Variants in STAB1 observed in about 807,000 individuals in gnomAD.
STAB1 encodes stabilin-1.
STAB1 carries 250 observed loss-of-function variants against 332.4 expected under a neutral mutation model. The ratio of observed to expected loss-of-function variants is 0.75; its 90% confidence interval spans 0.68 to 0.84. STAB1 has a LOEUF of 0.84. Among genes scored for constraint, STAB1 ranks in the 40% least tolerant of loss-of-function variants. The probability of loss-of-function intolerance (pLI) is 0.00; values close to 1 mark genes in which losing one functional copy is unlikely to be tolerated. For synonymous variants in STAB1, 1,475 were observed against 1,390.4 expected (o/e 1.06, Z -1.35); for missense variants, 3,249 against 3,489.7 (o/e 0.93, Z 1.74).
rs1198787147 is a variant in STAB1 at position 52,523,280 on chromosome 3, A to G, written c.7079A>G (p.Asp2360Gly). 2.5e-6 allele frequency: 4 copies of G among 1,612,986 alleles called. No individual in the cohort carries two copies. The African/African-American group carries it at 4.0e-5, about 16-fold the overall frequency. Residue 2360 changes from aspartate to glycine, a missense_variant, in exon 64 of 69, where the codon GAT (aspartate) becomes GGT (glycine). Transcript: ENST00000321725. ...QRGLDFLDFL[D>G]DELTYKTLFV... is the part of the protein sequence containing the mutation. The stretch of plus-strand genomic sequence containing the variant: ...GGTCTCGACTTCCTGGACTTCCTGG[A>G]TGATGAGCTCACGTATAAGACACTC...
chr3:52,513,292 G>C, intron 30 of STAB1, 51 bp downstream of exon 30: 1 of 1,502,462 alleles, frequency 6.7e-7, no homozygotes, highest in South Asian at 1.3e-5. Flanking sequence ...GCATGGGAGG[G>C]AGCCTGAGTG....
In STAB1 at chr3:52,502,708, T is replaced by G. The variant is rs1708542689; in HGVS notation, c.564T>G (p.Thr188=). ...DGSCLCFAGY[T]GPHCDQELPV... ...GCTGCCTGTGCTTTGCTGGATACAC[T>G]GGCCCCCACTGTGATCAAGGTGAGC... Residue 188 remains threonine, a synonymous_variant, in exon 6 of 69, where the codon ACT becomes ACG. Coordinates refer to ENST00000321725, the MANE Select transcript of STAB1 (RefSeq NM_015136.3). 1.2e-6 allele frequency: 2 copies of G among 1,613,500 alleles called. No homozygotes were observed. Among genetic ancestry groups the G allele is most frequent in the Non-Finnish European group, 1.7e-6 (2 of 1,179,748 alleles).
At chr3:52,519,611 TAAG>T (rs1575360061) in intron 50 of STAB1, 47 bp downstream of exon 50, 1 of 373,466 alleles carries the variant, frequency 2.7e-6, no homozygotes, top group South Asian at 2.3e-5. Flanking sequence ...CATGCACGTG[TAAG>T]TGTGTGCAAG....
intron 1 of STAB1, among the ~76,000 whole-genome samples, chr3:52,496,482 G>A (rs939014559): frequency 6.6e-6 from 1 of 152,232 alleles, no homozygotes; most frequent in Non-Finnish European, 1.5e-5. Context: ...ACCATCAGGC[G>A]CTTTCTCTTG....
In STAB1 at chr3:52,517,029, C is replaced by G; in HGVS notation, c.4409C>G (p.Ala1470Gly). The change falls in exon 42 of 69, where the codon GCC becomes GGC. Residue 1470 changes from alanine to glycine, a missense_variant. Physicochemically the swap from Ala to Gly is moderately conservative, Grantham distance 60. Transcript: ENST00000321725. ...AHGHGGCSPH[A>G]NCTKVAPGQR... ...GGCCATGGGGGCTGCTCCCCTCATGCCAACTGTACCAAGGTGGCACCTGGG... is the reference window on the plus strand; with the variant it reads ...GGCCATGGGGGCTGCTCCCCTCATGGCAACTGTACCAAGGTGGCACCTGGG... The G allele has an allele frequency of 6.2e-7, 1 of 1,607,416 alleles. No individual in the cohort carries two copies. The highest frequency in any genetic ancestry group is 8.5e-7 in the Non-Finnish European group (1 of 1,177,354).
Position 52,522,649 on chromosome 3 carries a change from C to T in STAB1, c.6705C>T (p.Ala2235=), listed in dbSNP as rs1436150109. Residue 2235 remains alanine (A), a synonymous_variant, in exon 61 of 69, where the codon GCC becomes GCT. Coordinates refer to ENST00000321725, the MANE Select transcript of STAB1 (RefSeq NM_015136.3). ...AGGCGGCATGCGAAGCACAGGGAGC[C>T]GTCCTTGCTTCATTCCCTCAGCTCT... is the stretch of plus-strand genomic sequence containing the variant. ...EAEAACEAQG[A]VLASFPQLSA... 5.6e-6 allele frequency: 9 copies of T among 1,612,786 alleles called. No homozygotes were observed. The highest frequency in any genetic ancestry group is 1.7e-5 in the Admixed American group (1 of 60,006).
In STAB1 at chr3:52,520,445, C is replaced by T; in HGVS notation, c.5545C>T (p.His1849Tyr). The T allele has an allele frequency of 6.8e-6, 11 of 1,612,826 alleles. No homozygotes were observed. The highest frequency in any genetic ancestry group is 2.7e-5 in the African/African-American group (2 of 75,072). ...GEDDARIVQRHLPFEGGLAYG... is the reference protein window; with the variant it reads ...GEDDARIVQRYLPFEGGLAYG... ...GGATGATGCTCGCATTGTGCAGCGG[C>T]ACTTGCCCTTTGAGGGTGGCCTGGC... The change falls in exon 53 of 69, where the codon CAC (histidine) becomes TAC (tyrosine). Residue 1849 changes from histidine to tyrosine, a missense_variant. Physicochemically the swap from His to Tyr is moderately conservative, Grantham distance 83. Transcript: ENST00000321725.
rs1474667783 is a variant in STAB1, at chr3:52,503,036, C to T, written c.621C>T (p.Asn207=). The T allele has an allele frequency of 1.9e-6, 3 of 1,602,420 alleles. No individual in the cohort carries two copies. Among genetic ancestry groups the T allele is most frequent in the Non-Finnish European group, 2.6e-6 (3 of 1,175,642 alleles). The change falls in exon 7 of 69, where the codon AAC becomes AAT. Residue 207 remains asparagine (N), a synonymous_variant. Coordinates refer to ENST00000321725, the MANE Select transcript of STAB1 (RefSeq NM_015136.3). The part of the protein sequence containing the change: ...PVCQELRCPQ[N]TQCSAEAPSC... The stretch of plus-strand genomic sequence containing the variant: ...GCCAGGAGCTGCGCTGTCCCCAGAA[C>T]ACCCAGTGCTCCGCAGAGGCTCCCA...
chr3:52,514,047 C>T, intron 32 of STAB1, 66 bp downstream of exon 32: 2 of 1,598,130 alleles, frequency 1.3e-6, no homozygotes, highest in Non-Finnish European at 1.7e-6. Flanking sequence ...TCCAGAGGGA[C>T]CTGGCTGGCT....
chr3:52,516,092 CA>C lies in STAB1; in HGVS notation c.3999del (p.Gly1335ValfsTer2). 2 of 1,611,818 alleles carry C rather than the reference CA, an allele frequency of 1.2e-6. No individual in the cohort carries two copies. Among genetic ancestry groups the C allele is most frequent in the South Asian group, 1.1e-5 (1 of 91,022 alleles). On this transcript the variant is annotated frameshift_variant, in exon 38 of 69. Transcript: ENST00000321725. LOFTEE classifies it high-confidence loss of function. ...TTTGGCACGCTGTGTGAGCCATGCCCAGGGGGTCTAGGGGGGGTGTGCTCAG... is the reference window on the plus strand; with the variant it reads ...TTTGGCACGCTGTGTGAGCCATGCCCGGGGGTCTAGGGGGGGTGTGCTCAG... ...GFFGTLCEPC[P>X]GGLGGVCSGH...
In STAB1 at chr3:52,510,325, G is replaced by A. The variant is rs372696722; in HGVS notation, c.2629-24G>A. 6 of 1,613,744 alleles carry A rather than the reference G, an allele frequency of 3.7e-6. No individual in the cohort carries two copies. In the Admixed American group the frequency reaches 5.0e-5, roughly 13 times the overall value. ...TCTGCCTACGTTCTTGTGTCCCTCA[G>A]TTATTTATCCATGGCTCTCACAGGC... On this transcript the variant is annotated intron_variant, in intron 24 of 68. Coordinates refer to ENST00000321725, the MANE Select transcript of STAB1 (RefSeq NM_015136.3).
In STAB1 at chr3:52,502,644, T is replaced by G. The variant is rs1708537647; in HGVS notation, c.500T>G (p.Val167Gly). Residue 167 changes from valine (V) to glycine (G), a missense_variant, in exon 6 of 69, where the codon GTG becomes GGG. Transcript: ENST00000321725. ...GTGTCCCTCCCAGTGTGCAGCTGTG[T>G]GCACGGAGTGTGCAACCATGGGCCA... ...GPDCQSVCSC[V>G]HGVCNHGPRG... The G allele has an allele frequency of 1.2e-6, 2 of 1,613,188 alleles. No homozygotes were observed. Among genetic ancestry groups the G allele is most frequent in the Admixed American group, 1.7e-5 (1 of 59,994 alleles).
chr3:52,515,143 C>G (rs2078816930), intron 36 of STAB1, 98 bp downstream of exon 36: 1 of 1,454,248 alleles, frequency 6.9e-7, no homozygotes, highest in Non-Finnish European at 9.4e-7. Context: ...TTTTGCTTGG[C>G]CCAGGCATCC....
intron 1 of STAB1, among the ~76,000 whole-genome samples, chr3:52,500,617 C>T (rs576616697): frequency 3.3e-5 from 5 of 152,356 alleles, no homozygotes; most frequent in African/African-American, 9.6e-5. Flanking sequence ...GAGCCGGCAT[C>T]GTGCCTGTGC....
rs143917552 is a variant in STAB1, at chr3:52,503,432, G to A, written c.783G>A (p.Glu261=). 3 of 1,613,818 alleles carry A rather than the reference G, an allele frequency of 1.9e-6. No individual in the cohort carries two copies. The highest frequency in any genetic ancestry group is 2.2e-5 in the East Asian group (1 of 44,882). ...PKGQAQCHCP[E]NYHGDGMVCL... ...GGCAGGCTCAGTGTCACTGCCCTGA[G>A]AACTACCATGGCGATGGGATGGTGT... The change falls in exon 8 of 69, where the codon GAG becomes GAA. Residue 261 remains glutamate, a synonymous_variant. Transcript: ENST00000321725.
chr3:52,522,596 C>T lies in STAB1; in HGVS notation c.6652C>T (p.Pro2218Ser), dbSNP rs563927709. The T allele has an allele frequency of 5.0e-5, 81 of 1,612,906 alleles. 1 individual carries two copies. The South Asian group carries it at 8.6e-4, about 17-fold the overall frequency. The change falls in exon 61 of 69, where the codon CCT becomes TCT. Residue 2218 changes from proline to serine, a missense_variant. Pro to Ser is a moderately conservative substitution (Grantham distance 74). Coordinates refer to ENST00000321725, the MANE Select transcript of STAB1 (RefSeq NM_015136.3). The stretch of plus-strand genomic sequence containing the variant: ...TTTCCACCTCCAGGCCACCAGCGGC[C>T]CTTATGGTCTGAACTTTTCGGAGGC... ...GVFHLQATSG[P>S]YGLNFSEAEA...
chr3:52,509,892 C>T lies in STAB1; in HGVS notation c.2370C>T (p.Leu790=). 6.2e-7 allele frequency: 1 copy of T among 1,613,086 alleles called. No individual in the cohort carries two copies. Among genetic ancestry groups the T allele is most frequent in the South Asian group, 1.1e-5 (1 of 91,084 alleles). The change falls in exon 23 of 69, where the codon CTC becomes CTT. Residue 790 remains leucine (L), a synonymous_variant. Coordinates refer to ENST00000321725, the MANE Select transcript of STAB1 (RefSeq NM_015136.3). ...CAGACTGCGGCTGTGTCCATGGTCT[C>T]TGCGACAACCGCCCAGGCAGTGGGG... ...CQEDCGCVHG[L]CDNRPGSGGV... is the part of the protein sequence containing the mutation.
intron 12 of STAB1, 44 bp from the exon 13 acceptor site, chr3:52,504,959 G>C (rs1387184334): frequency 1.9e-6 from 3 of 1,612,510 alleles, no homozygotes; most frequent in Non-Finnish European, 1.7e-6. Flanking sequence ...TCCGGACAGG[G>C]GGCTGGCATA....
chr3:52,496,534 T>C (rs568986575), intron 1 of STAB1, among the ~76,000 whole-genome samples: 2 of 152,222 alleles, frequency 1.3e-5, no homozygotes, highest in African/African-American at 4.8e-5. Flanking sequence ...GAGAAGGGCC[T>C]CACCAGCTTC....
Sources: gnomAD v4.1 joint callset for allele counts (sites outside exome capture counted in the v4.1 genomes callset) on GRCh38, gnomAD v4.1.1 for gene constraint, MANE v1.5 for transcripts, NCBI Gene and HGNC (gene_info 2026-07-23, HGNC 2026-07-21) for gene names.